The following PCSK2 variants were observed in gnomAD, a reference collection of about 807,000 sequenced individuals.
The protein encoded by PCSK2 is neuroendocrine convertase 2.
In PCSK2, 14 loss-of-function variants were observed where a neutral mutation model predicts 69.7. The observed-to-expected ratio is 0.20, with a 90% CI of 0.13 to 0.31. PCSK2 has a LOEUF of 0.31. Ranked by LOEUF, PCSK2 falls within the 10% of genes least tolerant of loss-of-function variation. The pLI, the probability that PCSK2 is intolerant of heterozygous loss-of-function variation, is 1.00. For missense variants in PCSK2, 544 were observed against 842.5 expected (o/e 0.65, Z 4.39); for synonymous variants, 307 against 320.7 (o/e 0.96, Z 0.46).
chr20:17,396,506 A>G (rs2031514126), intron 5 of PCSK2, among the ~76,000 whole-genome samples: 1 of 152,086 alleles, frequency 6.6e-6, no homozygotes. Flanking sequence ...TTCAACTTCA[A>G]ATTAGCCATT....
In PCSK2 at chr20:17,482,268, C is replaced by A. The variant is rs992232087; in HGVS notation, c.*198C>A. ...TTTTTACTCTATGCCCCAAATATAG[C>A]GTTCCCAACAACATCCATGTCCTAT... On this transcript the variant is annotated 3_prime_UTR_variant, in exon 12 of 12. Transcript: ENST00000262545. 4.7e-6 allele frequency: 2 copies of A among 426,084 alleles called. No homozygotes were observed. Among genetic ancestry groups the A allele is most frequent in the Admixed American group, 4.1e-5 (1 of 24,480 alleles). The allele number at this position is 426,084 out of a possible 1,614,324, so 26.4% of individuals were successfully genotyped here. A position where few individuals can be genotyped will look rare whatever the true frequency, so the allele number is the denominator to read the frequency against.
Position 17,298,055 on chromosome 20 carries a change from G to A in PCSK2, c.282+37711G>A, listed in dbSNP as rs551462300. ...TTATTGCTCTTTTCCTTCCTCTTACGCTTTGAAAACTTAATCCATCTTTTT... is the reference window on the plus strand; with the variant it reads ...TTATTGCTCTTTTCCTTCCTCTTACACTTTGAAAACTTAATCCATCTTTTT... On this transcript the variant is annotated intron_variant, in intron 2 of 11. Transcript: ENST00000262545. Among the ~76,000 whole-genome samples the A allele has an allele frequency of 1.3e-4, 19 of 151,456 alleles. No homozygotes were observed. The South Asian group carries it at 3.1e-3, about 25-fold the overall frequency.
At chr20:17,442,908 C>T (rs979501511) in intron 8 of PCSK2, among the ~76,000 whole-genome samples, 2 of 152,204 alleles carry the variant, frequency 1.3e-5, no homozygotes, top group Admixed American at 6.5e-5. Flanking sequence ...AACAGCCACC[C>T]TTGCCTTCAT....
chr20:17,390,854 G>A (rs2031353809), intron 5 of PCSK2, among the ~76,000 whole-genome samples: 1 of 152,018 alleles, frequency 6.6e-6, no homozygotes, highest in South Asian at 2.1e-4. Flanking sequence ...TGGTGACGTG[G>A]CAGTTCTGCA....
At chr20:17,340,145 G>C (rs1284154729) in intron 2 of PCSK2, among the ~76,000 whole-genome samples, 1 of 152,214 alleles carries the variant, frequency 6.6e-6, no homozygotes, top group African/African-American at 2.4e-5. Context: ...TCAGTAAGGA[G>C]ATATTGAAGC....
chr20:17,378,590 C>A (rs34006014), intron 5 of PCSK2, among the ~76,000 whole-genome samples: 1 of 136,192 alleles, frequency 7.3e-6, no homozygotes, highest in African/African-American at 2.7e-5. Context: ...GATGGATGGA[C>A]GGATGGATGG....
At chr20:17,379,513 C>A (rs970511743) in intron 5 of PCSK2, among the ~76,000 whole-genome samples, 4 of 152,256 alleles carry the variant, frequency 2.6e-5, no homozygotes, top group African/African-American at 9.6e-5. Context: ...GTCAAAGAAT[C>A]ATGAGTACTA....
chr20:17,330,885 A>G (rs1990189340), intron 2 of PCSK2, among the ~76,000 whole-genome samples: 1 of 152,178 alleles, frequency 6.6e-6, no homozygotes, highest in Admixed American at 6.5e-5. Context: ...TTCCAAAGGC[A>G]GGAAGCAGAA....
At position 17,483,876 on chromosome 20, in the gene PCSK2, G is replaced by A. The variant is rs2033452410; in HGVS notation, c.*1806G>A. ...AAATAAACCAAAGGACATTATGTGT[G>A]CATGTGTGTATAAGTGCACACAGAA... is the stretch of plus-strand genomic sequence containing the variant. On this transcript the variant is annotated 3_prime_UTR_variant, in exon 12 of 12. Transcript: ENST00000262545. 1 of 152,578 alleles carries A rather than the reference G, an allele frequency of 6.6e-6. No homozygotes were observed. The highest frequency in any genetic ancestry group is 1.5e-5 in the Non-Finnish European group (1 of 68,024). The allele number at this position is 152,578 out of a possible 1,614,324, so 9.5% of individuals were successfully genotyped here.
intron 2 of PCSK2, among the ~76,000 whole-genome samples, chr20:17,292,001 C>T (rs1440017915): frequency 6.6e-6 from 1 of 152,124 alleles, no homozygotes; most frequent in Non-Finnish European, 1.5e-5. Flanking sequence ...AATATCATTG[C>T]CCACACCTTT....
chr20:17,463,720 A>G (rs1383650518), intron 10 of PCSK2: 2 of 125,928 alleles, frequency 1.6e-5, no homozygotes, highest in African/African-American at 6.2e-5. Context: ...TCCTGTGTCC[A>G]AGTGTGGAAC....
At chr20:17,294,294 G>A (rs1195654572) in intron 2 of PCSK2, among the ~76,000 whole-genome samples, 1 of 151,282 alleles carries the variant, frequency 6.6e-6, no homozygotes, top group African/African-American at 2.4e-5. Flanking sequence ...TTTTAGTAGA[G>A]ACGGGGTTTC....
At chr20:17,259,377 A>G (rs1303177046) in intron 1 of PCSK2, among the ~76,000 whole-genome samples, 1 of 152,198 alleles carries the variant, frequency 6.6e-6, no homozygotes, top group Non-Finnish European at 1.5e-5. Flanking sequence ...AGACGTGGAG[A>G]AAAGGGAGAG....
chr20:17,418,027 G>A (rs981194457), intron 6 of PCSK2, among the ~76,000 whole-genome samples: 2 of 152,180 alleles, frequency 1.3e-5, no homozygotes, highest in Admixed American at 1.3e-4. Flanking sequence ...AAGCTTCCAA[G>A]GAGCTTGCAA....
intron 5 of PCSK2, among the ~76,000 whole-genome samples, chr20:17,382,085 T>A (rs997935692): frequency 1.3e-5 from 1 of 74,980 alleles, no homozygotes. Context: ...GCTTGCTTGA[T>A]TATTAATAAC....
At chr20:17,406,268 A>G (rs2031747787) in intron 5 of PCSK2, among the ~76,000 whole-genome samples, 1 of 152,234 alleles carries the variant, frequency 6.6e-6, no homozygotes, top group East Asian at 1.9e-4. Flanking sequence ...ACAAGCATAA[A>G]CAGAACGCTT....
intron 8 of PCSK2, among the ~76,000 whole-genome samples, chr20:17,449,692 T>C (rs902757419): frequency 1.6e-4 from 25 of 151,922 alleles, no homozygotes; most frequent in Admixed American, 4.6e-4. Context: ...CACGCTCAGC[T>C]AATTTTGTAT....
intron 11 of PCSK2, among the ~76,000 whole-genome samples, chr20:17,471,823 A>G (rs1309331075): frequency 6.6e-6 from 1 of 152,198 alleles, no homozygotes; most frequent in East Asian, 1.9e-4. Flanking sequence ...GGCCCTTGTG[A>G]CCACGAAGCA....
intron 11 of PCSK2, among the ~76,000 whole-genome samples, chr20:17,469,977 AG>A (rs2033173075): frequency 6.6e-6 from 1 of 152,184 alleles, no homozygotes; most frequent in African/African-American, 2.4e-5. Context: ...CTGGCATTCC[AG>A]AGGCCCTTTT....
Sources: gnomAD v4.1 joint callset for allele counts (sites outside exome capture counted in the v4.1 genomes callset) on GRCh38, gnomAD v4.1.1 for gene constraint, MANE v1.5 for transcripts, NCBI Gene and HGNC (gene_info 2026-07-23, HGNC 2026-07-21) for gene names.